POTEF: variants seen among roughly 807,000 people sequenced by gnomAD.
The protein encoded by POTEF is ANKRD26-like family C member 1B.
POTEF carries 20 observed loss-of-function variants against 83.2 expected under a neutral mutation model. The ratio of observed to expected loss-of-function variants is 0.24; its 90% CI spans 0.17 to 0.35. The LOEUF (loss-of-function observed/expected upper bound fraction) is 0.35. Ranked by LOEUF, POTEF falls within the 10% of genes least tolerant of loss-of-function variation. The pLI is 1.00. For synonymous variants in POTEF, 196 were observed against 446.4 expected (o/e 0.44, Z 7.07); for missense variants, 550 against 1,203.2 (o/e 0.46, Z 8.03).
rs1684971286 is a variant in POTEF at position 130,120,469 on chromosome 2, T to C, written c.47A>G (p.Lys16Arg). The C allele has an allele frequency of 6.2e-7, 1 of 1,613,428 alleles. No homozygotes were observed. Among genetic ancestry groups the C allele is most frequent in the Non-Finnish European group, 8.5e-7 (1 of 1,179,864 alleles). The change falls in exon 3 of 17, where the codon AAG becomes AGG. Residue 16 changes from lysine to arginine, a missense_variant. Transcript: ENST00000409914. ...DSMPAASSVK[K>R]PFGLRSKMGK... ...CATCTTGCTCCTGAGACCAAATGGC[T>C]TCTTCACAGAAGAGGCAGCCGGCAT...
At chr2:130,121,944 T>C (rs1685011161) in intron 2 of POTEF, among the ~76,000 whole-genome samples, 1 of 150,074 alleles carries the variant, frequency 6.7e-6, no homozygotes, top group African/African-American at 2.5e-5. Flanking sequence ...ATTAGCAATC[T>C]TTCCCTATTT....
chr2:130,116,447 C>T (rs942072671), intron 3 of POTEF, among the ~76,000 whole-genome samples: 3 of 148,610 alleles, frequency 2.0e-5, no homozygotes, highest in Non-Finnish European at 3.0e-5. Context: ...TATTTCATTA[C>T]TCAGGTGTTA....
chr2:130,109,389 G>T (rs1372571506), intron 7 of POTEF: 1 of 143,304 alleles, frequency 7.0e-6, no homozygotes, highest in Non-Finnish European at 1.5e-5. Context: ...ACCTACTTGA[G>T]ATTCTGAGAA....
At chr2:130,118,088 G>A (rs372980100) in intron 3 of POTEF, among the ~76,000 whole-genome samples, 3 of 151,516 alleles carry the variant, frequency 2.0e-5, no homozygotes, top group Admixed American at 1.3e-4. Flanking sequence ...TTACAGGTGC[G>A]TGCCACCATG....
chr2:130,118,590 A>G (rs1303105403), intron 3 of POTEF, among the ~76,000 whole-genome samples: 2 of 149,638 alleles, frequency 1.3e-5, no homozygotes, highest in East Asian at 4.0e-4. Context: ...CCAGCTACTC[A>G]GTAGGCTGAA....
At chr2:130,095,025 CTTTT>C (rs1189045004) in intron 11 of POTEF, among the ~76,000 whole-genome samples, 2 of 107,096 alleles carry the variant, frequency 1.9e-5, no homozygotes, top group Non-Finnish European at 2.0e-5. Context: ...CCATGTCAAA[CTTTT>C]TTTTTTTTTT....
At chr2:130,126,303 CAAAAAAAAAAAAA>C (rs754556482) in intron 2 of POTEF, among the ~76,000 whole-genome samples, 1 of 122,710 alleles carries the variant, frequency 8.1e-6, no homozygotes, top group African/African-American at 2.9e-5. Context: ...AACTCCATCT[CAAAAAAAAAAAAA>C]AAAAAAAAGA....
chr2:130,119,339 A>G (rs1262630817), intron 3 of POTEF, among the ~76,000 whole-genome samples: 2 of 151,566 alleles, frequency 1.3e-5, no homozygotes, highest in Non-Finnish European at 2.9e-5. Flanking sequence ...AATTTTTTTT[A>G]TATTTTTTAG....
intron 2 of POTEF, among the ~76,000 whole-genome samples, chr2:130,121,940 A>G (rs1371710263): frequency 6.7e-6 from 1 of 149,574 alleles, no homozygotes; most frequent in Non-Finnish European, 1.5e-5. Flanking sequence ...ACCCATTAGC[A>G]ATCTTTCCCT....
Position 130,074,213 on chromosome 2 carries a change from A to G in POTEF, c.*31T>C. ...TCTGAGAAGTTTGGTTTTGTCAAGA[A>G]AGGGTGTAACGCAACTAAGTCAGAG... is the stretch of plus-strand genomic sequence containing the variant. On this transcript the variant is annotated 3_prime_UTR_variant, in exon 17 of 17. Transcript: ENST00000409914. The G allele has an allele frequency of 6.2e-7, 1 of 1,608,226 alleles. No homozygotes were observed. Among genetic ancestry groups the G allele is most frequent in the Non-Finnish European group, 8.5e-7 (1 of 1,178,084 alleles).
intron 7 of POTEF, chr2:130,109,255 C>T (rs4101867): frequency 1.4e-4 from 20 of 147,452 alleles, no homozygotes; most frequent in Non-Finnish European, 2.1e-4. Context: ...GCAGAAGCCA[C>T]GCTAACTTTC....
intron 16 of POTEF, among the ~76,000 whole-genome samples, chr2:130,075,797 G>A (rs1289698605): frequency 7.3e-6 from 1 of 137,334 alleles, no homozygotes; most frequent in South Asian, 2.4e-4. Context: ...TTAGGAATCT[G>A]CTCCTAAATT....
At chr2:130,103,854 A>T (rs1178992939) in intron 8 of POTEF, among the ~76,000 whole-genome samples, 1 of 140,606 alleles carries the variant, frequency 7.1e-6, no homozygotes, top group African/African-American at 2.8e-5. Context: ...TGCCTACAAT[A>T]GGAGGATGAG....
intron 1 of POTEF, among the ~76,000 whole-genome samples, chr2:130,128,705 G>C (rs1685162671): frequency 6.6e-6 from 1 of 151,932 alleles, no homozygotes; most frequent in Non-Finnish European, 1.5e-5. Context: ...CTGAGTAAGG[G>C]CAGTGCAGCA....
chr2:130,078,136 A>G (rs62165878), intron 15 of POTEF, among the ~76,000 whole-genome samples: 15,563 of 55,762 alleles, frequency 0.28, 555 homozygotes, highest in Non-Finnish European at 0.37. Context: ...GGGCATCCAA[A>G]TTGGAAAAGA....
At chr2:130,117,504 T>C (rs1684872708) in intron 3 of POTEF, among the ~76,000 whole-genome samples, 1 of 152,042 alleles carries the variant, frequency 6.6e-6, no homozygotes, top group Admixed American at 6.5e-5. Flanking sequence ...AGTTTGATTA[T>C]ATTTTCTACA....
At chr2:130,107,550 A>G (rs1016530802) in intron 8 of POTEF, 1 of 197,396 alleles carries the variant, frequency 5.1e-6, no homozygotes, top group Non-Finnish European at 1.0e-5. Flanking sequence ...AAGCCAGGGA[A>G]GCTTCATCTG....
chr2:130,126,934 A>T lies in POTEF; in HGVS notation c.-94+775T>A, dbSNP rs1227251835. Among the ~76,000 whole-genome samples, 2 of 152,156 alleles carry T rather than the reference A, an allele frequency of 1.3e-5. 1 individual carries two copies. Among genetic ancestry groups the T allele is most frequent in the Admixed American group, 1.3e-4 (2 of 15,304 alleles). ...ACACAGACTAGAATAAGCAAAAAGAACAGGTGCAGGAATTAGAAGGCCTAT... is the reference window on the plus strand; with the variant it reads ...ACACAGACTAGAATAAGCAAAAAGATCAGGTGCAGGAATTAGAAGGCCTAT... On this transcript the variant is annotated intron_variant, in intron 2 of 16. Coordinates refer to ENST00000409914, the MANE Select transcript of POTEF (RefSeq NM_001099771.2).
chr2:130,111,493 A>G (rs1423077457), intron 6 of POTEF, among the ~76,000 whole-genome samples: 1 of 151,966 alleles, frequency 6.6e-6, no homozygotes, highest in Non-Finnish European at 1.5e-5. Flanking sequence ...ATGTGGGAAC[A>G]GCAATTAATT....
Sources: gnomAD v4.1 joint callset for allele counts (sites outside exome capture counted in the v4.1 genomes callset) on GRCh38, gnomAD v4.1.1 for gene constraint, MANE v1.5 for transcripts, NCBI Gene and HGNC (gene_info 2026-07-23, HGNC 2026-07-21) for gene names.